Variants in SHFL observed in about 807,000 individuals in gnomAD.
The protein encoded by SHFL is shiftless antiviral inhibitor of ribosomal frameshifting.
Under a neutral mutation model 34.7 loss-of-function variants are expected in SHFL, and 12 were observed. That is an observed-to-expected ratio of 0.35 (90% confidence interval 0.22 to 0.56). The LOEUF (loss-of-function observed/expected upper bound fraction) is 0.56, where lower values mean the gene tolerates loss of function less well. SHFL is among the 20% of genes least tolerant of loss of function. The pLI is 0.88. For missense variants in SHFL, 278 were observed against 411.1 expected, an observed-to-expected ratio of 0.68 and a Z score of 2.80; for synonymous variants, 148 against 156.0, an observed-to-expected ratio of 0.95 and a Z score of 0.38.
In SHFL at chr19:10,091,953, G is replaced by A. The variant is rs2088398964; in HGVS notation, c.644-117G>A. The stretch of plus-strand genomic sequence containing the variant: ...CACCCCTGAATGTCCAGTTGTGCTG[G>A]TCCCCGTATCTGGTGGTCTCAGCTC... On this transcript the variant is annotated intron_variant, in intron 7 of 7. Transcript: ENST00000253110. This position sits in a 1 kb window ranked among gnomAD's most constrained non-coding sequence, Gnocchi z 8.2. 7.9e-7 allele frequency: 1 copy of A among 1,259,984 alleles called. No individual in the cohort carries two copies. The highest frequency in any genetic ancestry group is 1.5e-5 in the African/African-American group (1 of 66,302). The allele number at this position is 1,259,984 out of a possible 1,614,324, so 78.1% of individuals were successfully genotyped here.
Position 10,086,584 on chromosome 19 carries a change from G to A in SHFL, c.21+136G>A. Reference sequence around the variant, plus strand: ...AGATCCTTACCCCTGCCTGGCGCTCGCCCCCCTTGAAAAGGAAAGTGACTC... The same window carrying A: ...AGATCCTTACCCCTGCCTGGCGCTCACCCCCCTTGAAAAGGAAAGTGACTC... On this transcript the variant is annotated intron_variant, in intron 1 of 7. Transcript: ENST00000253110. The surrounding 1 kb of genome is among the most constrained non-coding windows in gnomAD (Gnocchi z 5.2). 1.1e-6 allele frequency: 1 copy of A among 884,988 alleles called. No homozygotes were observed. The highest frequency in any genetic ancestry group is 1.6e-6 in the Non-Finnish European group (1 of 639,648). The allele number at this position is 884,988 out of a possible 1,614,324, so 54.8% of individuals were successfully genotyped here. A position where few individuals can be genotyped will look rare whatever the true frequency, so the allele number is the denominator to read the frequency against.
intron 3 of SHFL, 85 bp downstream of exon 3, chr19:10,087,385 C>A: frequency 6.9e-7 from 1 of 1,455,608 alleles, no homozygotes; most frequent in Non-Finnish European, 9.6e-7. Context: ...GGTGACTGAC[C>A]CCCCTCTGAA....
In SHFL at chr19:10,091,332, C is replaced by T. The variant is rs746145785; in HGVS notation, c.467C>T (p.Pro156Leu). ...TGGGGCCTGGCTGAGTTCCACTGCC[C>T]GAAGTGTCGGCACAACTTCCGGTGA... ...KMWGLAEFHC[P>L]KCRHNFRGWA... Residue 156 changes from proline (P) to leucine (L), a missense_variant, in exon 6 of 8, where the codon CCG becomes CTG. Coordinates refer to ENST00000253110, the MANE Select transcript of SHFL (RefSeq NM_018381.4). This position sits in a 1 kb window ranked among gnomAD's most constrained non-coding sequence, Gnocchi z 8.2. 3 of 1,613,760 alleles carry T rather than the reference C, an allele frequency of 1.9e-6. No individual in the cohort carries two copies. The highest frequency in any genetic ancestry group is 2.2e-5 in the East Asian group (1 of 44,878).
chr19:10,092,288 G>T lies in SHFL; in HGVS notation c.862G>T (p.Gly288Trp). Residue 288 changes from glycine (G) to tryptophan (W), a missense_variant, in exon 8 of 8, where the codon GGG becomes TGG. Physicochemically the swap from Gly to Trp is radical, Grantham distance 184 (BLOSUM62 -2). Around this residue, in one of 2 missense-constraint regions of SHFL, gnomAD observed 35 missense variants for 24.9 expected, o/e 1.41. Coordinates refer to ENST00000253110, the MANE Select transcript of SHFL (RefSeq NM_018381.4). ...EEEEVEDEEG[G>W]PRE ...GGAGGAGGTGGAGGACGAGGAGGGCGGGCCCAGGGAGTGACCCCTGCCAGG... is the reference window on the plus strand; with the variant it reads ...GGAGGAGGTGGAGGACGAGGAGGGCTGGCCCAGGGAGTGACCCCTGCCAGG... 6.3e-7 allele frequency: 1 copy of T among 1,581,328 alleles called. No individual in the cohort carries two copies. Among genetic ancestry groups the T allele is most frequent in the East Asian group, 2.3e-5 (1 of 42,790 alleles).
chr19:10,089,571 A>C (rs2145155074), intron 3 of SHFL, 86 bp from the exon 4 acceptor site: 1 of 1,523,504 alleles, frequency 6.6e-7, no homozygotes, highest in Non-Finnish European at 8.9e-7. Flanking sequence ...CACCCTACTC[A>C]TTGCGGCCGG....
rs986418247 is a variant in SHFL, at chr19:10,086,804, G to GC, written c.22-125_22-124insC. On this transcript the variant is annotated intron_variant, in intron 1 of 7. Coordinates refer to ENST00000253110, the MANE Select transcript of SHFL (RefSeq NM_018381.4). This position sits in a 1 kb window ranked among gnomAD's most constrained non-coding sequence, Gnocchi z 5.2. The stretch of plus-strand genomic sequence containing the variant: ...GAAATGCCGTAAAGGGATGAAAGGC[G>GC]GGGGGGGGGCGGCGGAGGCCAAAAC... The GC allele has an allele frequency of 1.3e-4, 104 of 790,932 alleles. No homozygotes were observed. The highest frequency in any genetic ancestry group is 1.1e-4 in the Non-Finnish European group (60 of 559,268). 49.0% of individuals were successfully genotyped at this position (790,932 alleles called of 1,614,324 possible). A position where few individuals can be genotyped will look rare whatever the true frequency, so the allele number is the denominator to read the frequency against.
At chr19:10,089,391 G>A (rs2088343219) in intron 3 of SHFL, 2 of 1,598,600 alleles carry the variant, frequency 1.3e-6, no homozygotes, top group Non-Finnish European at 1.7e-6. Context: ...GAGTATGGGG[G>A]TCAGGCTAGC....
rs949742466 is a variant in SHFL at position 10,091,882 on chromosome 19, G to A, written c.644-188G>A. On this transcript the variant is annotated intron_variant, in intron 7 of 7. Coordinates refer to ENST00000253110, the MANE Select transcript of SHFL (RefSeq NM_018381.4). The surrounding 1 kb of genome is among the most constrained non-coding windows in gnomAD (Gnocchi z 8.2). ...GTTTGGGGCCCCTGTTTTGTCCCCT[G>A]TAATCTCAGGTGACCCCCATGTCCC... 51 of 858,044 alleles carry A rather than the reference G, an allele frequency of 5.9e-5. No homozygotes were observed. The highest frequency in any genetic ancestry group is 7.2e-5 in the Non-Finnish European group (41 of 570,548). The allele number at this position is 858,044 out of a possible 1,614,324, so 53.2% of individuals were successfully genotyped here.
chr19:10,087,269 G>A lies in SHFL; in HGVS notation c.164G>A (p.Gly55Asp), dbSNP rs2088303741. ...CCCGCAGGGGTAAAGCAAAAAGATG[G>A]CCAAGAACTAAGTAACGATCTGGAT... ...SIVYGVKQKD[G>D]QELSNDLDAQ... Residue 55 changes from glycine (G) to aspartate (D), a missense_variant, in exon 3 of 8, where the codon GGC becomes GAC. Gly to Asp is a moderately conservative substitution (Grantham distance 94). Coordinates refer to ENST00000253110, the MANE Select transcript of SHFL (RefSeq NM_018381.4). 1 of 1,614,054 alleles carries A rather than the reference G, an allele frequency of 6.2e-7. No homozygotes were observed. The highest frequency in any genetic ancestry group is 2.2e-5 in the East Asian group (1 of 44,880).
Position 10,091,840 on chromosome 19 carries a change from G to A in SHFL, c.643+210G>A. 1 of 894,702 alleles carries A rather than the reference G, an allele frequency of 1.1e-6. No individual in the cohort carries two copies. Among genetic ancestry groups the A allele is most frequent in the East Asian group, 2.7e-5 (1 of 36,836 alleles). 55.4% of individuals were successfully genotyped at this position (894,702 alleles called of 1,614,324 possible). ...GTGCCTGAGGGTCCCCATGGCCTCT[G>A]CCCCCATGGTCTCTGGGTTTGGGGC... On this transcript the variant is annotated intron_variant, in intron 7 of 7. Transcript: ENST00000253110. The surrounding 1 kb of genome is among the most constrained non-coding windows in gnomAD (Gnocchi z 8.2).
intron 5 of SHFL, 121 bp downstream of exon 5, chr19:10,090,168 C>T: frequency 8.8e-7 from 1 of 1,141,102 alleles, no homozygotes; most frequent in Non-Finnish European, 1.3e-6. Flanking sequence ...TCCCTGACCT[C>T]CAAACTCAGA....
chr19:10,091,229 C>G lies in SHFL; in HGVS notation c.385-21C>G. 6.2e-7 allele frequency: 1 copy of G among 1,608,048 alleles called. No individual in the cohort carries two copies. Among genetic ancestry groups the G allele is most frequent in the Non-Finnish European group, 8.5e-7 (1 of 1,175,526 alleles). On this transcript the variant is annotated intron_variant, in intron 5 of 7. Transcript: ENST00000253110. The surrounding 1 kb of genome is among the most constrained non-coding windows in gnomAD (Gnocchi z 8.2). The stretch of plus-strand genomic sequence containing the variant: ...ACAATCCTTGGTCCCCTCTCTGTAC[C>G]TTCCTGCCCACCACCACCAGGTATC...
At position 10,086,372 on chromosome 19, in the gene SHFL, G is replaced by A. The variant is rs1343893026; in HGVS notation, c.-56G>A. On this transcript the variant is annotated 5_prime_UTR_variant, in exon 1 of 8. Coordinates refer to ENST00000253110, the MANE Select transcript of SHFL (RefSeq NM_018381.4). The surrounding 1 kb of genome is among the most constrained non-coding windows in gnomAD (Gnocchi z 5.2). ...TGGACCGACGGGCGCACCCAGGTAG[G>A]GGGGCGGCTGAGCCGCGCAGTGCGG... 2 of 1,268,722 alleles carry A rather than the reference G, an allele frequency of 1.6e-6. No homozygotes were observed. Among genetic ancestry groups the A allele is most frequent in the South Asian group, 3.5e-5 (1 of 28,652 alleles). The allele number at this position is 1,268,722 out of a possible 1,614,324, so 78.6% of individuals were successfully genotyped here.
Position 10,090,264 on chromosome 19 carries a change from C to T in SHFL, c.384+217C>T, listed in dbSNP as rs2088357475. On this transcript the variant is annotated intron_variant, in intron 5 of 7. Coordinates refer to ENST00000253110, the MANE Select transcript of SHFL (RefSeq NM_018381.4). ...TGAGAAGCCCAATACCTCCTTACCCCAGAACCTGACCCTTGACCCACAATT... is the reference window on the plus strand; with the variant it reads ...TGAGAAGCCCAATACCTCCTTACCCTAGAACCTGACCCTTGACCCACAATT... 3 of 585,436 alleles carry T rather than the reference C, an allele frequency of 5.1e-6. 1 individual carries two copies. In the South Asian group the frequency reaches 6.1e-5, roughly 12 times the overall value. 36.3% of individuals were successfully genotyped at this position (585,436 alleles called of 1,614,324 possible).
chr19:10,086,445 G>A lies in SHFL; in HGVS notation c.18G>A (p.Val6=). ...CCGCCACCATGTCTCAGGAAGGTGTGGAGGTAAGCGATGGCTACGGCTGGG... is the reference window on the plus strand; with the variant it reads ...CCGCCACCATGTCTCAGGAAGGTGTAGAGGTAAGCGATGGCTACGGCTGGG... MSQEG[V]ELEKSVRRLR... The change falls in exon 1 of 8, where the codon GTG becomes GTA. Residue 6 remains valine (V), a synonymous_variant. Coordinates refer to ENST00000253110, the MANE Select transcript of SHFL (RefSeq NM_018381.4). The surrounding 1 kb of genome is among the most constrained non-coding windows in gnomAD (Gnocchi z 5.2). 7.2e-7 allele frequency: 1 copy of A among 1,379,464 alleles called. No homozygotes were observed. Among genetic ancestry groups the A allele is most frequent in the Admixed American group, 2.9e-5 (1 of 34,310 alleles). 85.5% of individuals were successfully genotyped at this position (1,379,464 alleles called of 1,614,324 possible). A position where few individuals can be genotyped will look rare whatever the true frequency, so the allele number is the denominator to read the frequency against.
chr19:10,092,085 G>C lies in SHFL; in HGVS notation c.659G>C (p.Gly220Ala). The C allele has an allele frequency of 6.2e-7, 1 of 1,613,800 alleles. No individual in the cohort carries two copies. Among genetic ancestry groups the C allele is most frequent in the Non-Finnish European group, 8.5e-7 (1 of 1,179,808 alleles). The change falls in exon 8 of 8, where the codon GGG (glycine) becomes GCG (alanine). Residue 220 changes from glycine to alanine, a missense_variant. Transcript: ENST00000253110. ...CYNRREPHVP[G>A]TSCAHPKSRK... The stretch of plus-strand genomic sequence containing the variant: ...CCCTCCCTAGAGCCCCACGTGCCTG[G>C]GACATCCTGTGCTCACCCCAAGAGC...
At position 10,091,030 on chromosome 19, in the gene SHFL, A is replaced by G. The variant is rs2088375740; in HGVS notation, c.385-220A>G. ...GGTCAATGCTTAACTAGTTCTTGCA[A>G]AAGAGGCAGGAAGCCAAGATGTGTA... On this transcript the variant is annotated intron_variant, in intron 5 of 7. Coordinates refer to ENST00000253110, the MANE Select transcript of SHFL (RefSeq NM_018381.4). The surrounding 1 kb of genome is among the most constrained non-coding windows in gnomAD (Gnocchi z 8.2). 1.3e-5 allele frequency among the ~76,000 whole-genome samples: 2 copies of G among 152,208 alleles called. No individual in the cohort carries two copies. Among genetic ancestry groups the G allele is most frequent in the Non-Finnish European group, 2.9e-5 (2 of 68,038 alleles).
Position 10,086,966 on chromosome 19 carries a change from A to C in SHFL, c.59A>C (p.His20Pro). ...KSVRRLREKF[H>P]GKVSSKKAGA... The stretch of plus-strand genomic sequence containing the variant: ...GTCCGGCGCCTCCGGGAGAAGTTTC[A>C]TGGGAAGGTATCCTCCAAGAAGGCG... Residue 20 changes from histidine (H) to proline (P), a missense_variant, in exon 2 of 8, where the codon CAT becomes CCT. Physicochemically the swap from His to Pro is moderately conservative, Grantham distance 77. Transcript: ENST00000253110. The surrounding 1 kb of genome is among the most constrained non-coding windows in gnomAD (Gnocchi z 5.2). The C allele has an allele frequency of 3.1e-6, 5 of 1,613,608 alleles. No homozygotes were observed. The highest frequency in any genetic ancestry group is 4.2e-6 in the Non-Finnish European group (5 of 1,179,768).
At position 10,087,058 on chromosome 19, in the gene SHFL, G is replaced by C. The variant is rs774164300; in HGVS notation, c.145+6G>C. The stretch of plus-strand genomic sequence containing the variant: ...GGGGCGCTCCATCGTGTACGGTGAG[G>C]CTGCAGGGGTCCCGGGCCTGGTGCG... On this transcript the variant is annotated splice_donor_region_variant and intron_variant, in intron 2 of 7. Coordinates refer to ENST00000253110, the MANE Select transcript of SHFL (RefSeq NM_018381.4). 1 of 1,609,996 alleles carries C rather than the reference G, an allele frequency of 6.2e-7. No homozygotes were observed. Among genetic ancestry groups the C allele is most frequent in the South Asian group, 1.1e-5 (1 of 90,658 alleles).
Sources: allele counts gnomAD v4.1 joint callset (sites outside exome capture counted in the v4.1 genomes callset), GRCh38; gene constraint gnomAD v4.1.1; regional missense constraint gnomAD v4.1.1; non-coding constraint Gnocchi (gnomAD v3.1); transcripts MANE v1.5; gene names NCBI Gene and HGNC (gene_info 2026-07-23, HGNC 2026-07-21).